Variants in ABCD3 observed in about 807,000 individuals in gnomAD.
ABCD3 encodes ATP binding cassette subfamily D member 3, also known as ATP-binding cassette sub-family D member 3.
A neutral mutation model predicts 105.5 loss-of-function variants in ABCD3; 41 were observed. The ratio of observed to expected loss-of-function variants is 0.39; its 90% CI spans 0.30 to 0.50. ABCD3 has a LOEUF of 0.50. Ranked by LOEUF, ABCD3 falls within the 20% of genes least tolerant of loss-of-function variation. The probability of loss-of-function intolerance (pLI) is 0.84; values close to 1 mark genes in which losing one functional copy is unlikely to be tolerated. For synonymous variants in ABCD3, 258 were observed against 269.0 expected (o/e 0.96, Z 0.40); for missense variants, 622 against 806.3 (o/e 0.77, Z 2.77).
chr1:94,506,666 G>C, intron 21 of ABCD3, 24 bp downstream of exon 21: 1 of 1,541,144 alleles, frequency 6.5e-7, no homozygotes, highest in Non-Finnish European at 9.0e-7. Context: ...TGCTCAGTTT[G>C]AGGAGCCATG....
intron 2 of ABCD3, among the ~76,000 whole-genome samples, chr1:94,463,160 G>T (rs1647959110): frequency 6.6e-6 from 1 of 152,172 alleles, no homozygotes; most frequent in South Asian, 2.1e-4. Context: ...AACTCAGTAG[G>T]ATGAGGTTTG....
In ABCD3 at chr1:94,508,384, G is replaced by C. The variant is rs531814828; in HGVS notation, c.1845+1742G>C. On this transcript the variant is annotated intron_variant, in intron 21 of 22. Coordinates refer to ENST00000370214, the MANE Select transcript of ABCD3 (RefSeq NM_002858.4). The stretch of plus-strand genomic sequence containing the variant: ...TTTGGTAACAGTACCATGCTGTTTT[G>C]GTTACTGTAGCCTTGTAGTATGGTT... Among the ~76,000 whole-genome samples, 181 of 152,172 alleles carry C rather than the reference G, an allele frequency of 1.2e-3. 4 individuals are homozygous for C. In the East Asian group the frequency reaches 0.03, roughly 25 times the overall value.
intron 10 of ABCD3, among the ~76,000 whole-genome samples, chr1:94,484,862 G>A (rs1649209893): frequency 6.6e-6 from 1 of 152,118 alleles, no homozygotes; most frequent in South Asian, 2.1e-4. Flanking sequence ...CCCACAGAAA[G>A]AATTTGTTCC....
chr1:94,453,815 C>T (rs910669538), intron 1 of ABCD3, among the ~76,000 whole-genome samples: 1 of 150,674 alleles, frequency 6.6e-6, no homozygotes, highest in East Asian at 1.9e-4. Flanking sequence ...AAAGAATCAA[C>T]TCTTGAATTT....
Position 94,517,389 on chromosome 1 carries a change from T to C in ABCD3, c.*260T>C. ...TTATTCTTGTGGTTAAAAACCTGCC[T>C]AAATTAAATTGGGCTTCAATCACTG... is the stretch of plus-strand genomic sequence containing the variant. On this transcript the variant is annotated 3_prime_UTR_variant, in exon 23 of 23. Transcript: ENST00000370214. The C allele has an allele frequency of 2.6e-6, 1 of 391,988 alleles. No individual in the cohort carries two copies. The highest frequency in any genetic ancestry group is 4.8e-6 in the Non-Finnish European group (1 of 208,452). 24.3% of individuals were successfully genotyped at this position (391,988 alleles called of 1,614,324 possible). A position where few individuals can be genotyped will look rare whatever the true frequency, so the allele number is the denominator to read the frequency against.
At chr1:94,433,733 G>A (rs941530451) in intron 1 of ABCD3, among the ~76,000 whole-genome samples, 5 of 148,960 alleles carry the variant, frequency 3.4e-5, no homozygotes, top group Non-Finnish European at 7.4e-5. Flanking sequence ...TGCAACCTCC[G>A]CCTCCCAGGT....
At chr1:94,483,001 C>G (rs1021621219) in intron 9 of ABCD3, 169 bp from the exon 10 acceptor site, 1 of 622,080 alleles carries the variant, frequency 1.6e-6, no homozygotes, top group Non-Finnish European at 2.9e-6. Context: ...ATCAGCTGAG[C>G]TAGGAACAGA....
chr1:94,507,102 C>G (rs1290149041), intron 21 of ABCD3, among the ~76,000 whole-genome samples: 1 of 152,022 alleles, frequency 6.6e-6, no homozygotes, highest in Non-Finnish European at 1.5e-5. Context: ...AACTCATCAT[C>G]TAGCATTAGG....
chr1:94,439,528 C>T (rs374638227), intron 1 of ABCD3, among the ~76,000 whole-genome samples: 1 of 152,026 alleles, frequency 6.6e-6, no homozygotes, highest in South Asian at 2.1e-4. Context: ...TGTGGTCCCA[C>T]CTGCTCAGGA....
At chr1:94,464,381 C>A (rs1309509219) in intron 2 of ABCD3, among the ~76,000 whole-genome samples, 1 of 151,634 alleles carries the variant, frequency 6.6e-6, no homozygotes, top group Non-Finnish European at 1.5e-5. Context: ...ACTCAGTAAA[C>A]CCTTGACCTT....
intron 2 of ABCD3, among the ~76,000 whole-genome samples, chr1:94,463,483 A>AGC (rs1242828347): frequency 6.6e-6 from 1 of 152,216 alleles, no homozygotes; most frequent in Admixed American, 6.5e-5. Context: ...TTTACATTAT[A>AGC]GCTAACTAAT....
chr1:94,497,576 T>A (rs1649883591), intron 16 of ABCD3, among the ~76,000 whole-genome samples: 1 of 152,258 alleles, frequency 6.6e-6, no homozygotes, highest in Non-Finnish European at 1.5e-5. Flanking sequence ...ACTTAACCAC[T>A]CTTTACATTT....
chr1:94,506,693 A>G (rs767384880), intron 21 of ABCD3, 51 bp downstream of exon 21: 1 of 1,310,444 alleles, frequency 7.6e-7, no homozygotes, highest in South Asian at 1.2e-5. Flanking sequence ...TACCTAGTGT[A>G]AACTATGTCC....
chr1:94,460,540 T>G (rs1471043243), intron 2 of ABCD3, among the ~76,000 whole-genome samples: 3 of 152,292 alleles, frequency 2.0e-5, no homozygotes, highest in Middle Eastern at 3.4e-3. Flanking sequence ...CAGTAAGTAA[T>G]AAGTTTCCAC....
chr1:94,396,029 G>A, the ABCD3 span, among the ~76,000 whole-genome samples: 1 of 152,224 alleles, frequency 6.6e-6, no homozygotes, highest in Non-Finnish European at 1.5e-5. Flanking sequence ...TGGATCTCAG[G>A]TTTCTGAAGC....
intron 3 of ABCD3, among the ~76,000 whole-genome samples, chr1:94,466,648 A>G (rs1648152821): frequency 1.3e-5 from 2 of 152,232 alleles, no homozygotes; most frequent in South Asian, 2.1e-4. Context: ...TTTTTTGTGA[A>G]TATTTCCAGT....
chr1:94,410,845 A>G, the ABCD3 span, among the ~76,000 whole-genome samples: 1 of 152,192 alleles, frequency 6.6e-6, no homozygotes, highest in Non-Finnish European at 1.5e-5. Context: ...GCCTGAGAAG[A>G]TTGGGTTTTT....
In ABCD3 at chr1:94,491,308, A is replaced by T. The variant is rs148363180; in HGVS notation, c.1386+61A>T. Reference sequence around the variant, plus strand: ...ATCTTTAAAATGTGAACTGAAAAAGATTACCTGAATATTTAAAGTAACTTT... The same window carrying T: ...ATCTTTAAAATGTGAACTGAAAAAGTTTACCTGAATATTTAAAGTAACTTT... On this transcript the variant is annotated intron_variant, in intron 16 of 22. Transcript: ENST00000370214. 7.9e-4 allele frequency: 984 copies of T among 1,240,624 alleles called. 5 individuals carry two copies. The African/African-American group carries it at 0.013, about 16-fold the overall frequency. 76.9% of individuals were successfully genotyped at this position (1,240,624 alleles called of 1,614,324 possible).
intron 2 of ABCD3, among the ~76,000 whole-genome samples, chr1:94,459,168 T>G (rs1256696444): frequency 6.6e-6 from 1 of 151,960 alleles, no homozygotes; most frequent in Non-Finnish European, 1.5e-5. Context: ...TACCTCAGCC[T>G]GAAGTAGCTG....
Sources: gnomAD v4.1 joint callset for allele counts (sites outside exome capture counted in the v4.1 genomes callset) on GRCh38, gnomAD v4.1.1 for gene constraint, MANE v1.5 for transcripts, NCBI Gene and HGNC (gene_info 2026-07-23, HGNC 2026-07-21) for gene names.